KDM1B: variants seen among roughly 807,000 people sequenced by gnomAD.
KDM1B encodes the protein lysine-specific histone demethylase 2.
A neutral mutation model predicts 107.4 loss-of-function variants in KDM1B; 63 were observed. The observed-to-expected ratio is 0.59, with a 90% CI of 0.48 to 0.72. The LOEUF (loss-of-function observed/expected upper bound fraction) is 0.72. KDM1B is among the 30% of genes least tolerant of loss of function. KDM1B has a pLI of 0.00. For synonymous variants in KDM1B, 363 were observed against 363.9 expected, an observed-to-expected ratio of 1.00 and a Z score of 0.03; for missense variants, 749 against 1,020.8, an observed-to-expected ratio of 0.73 and a Z score of 3.63.
rs1789362884 is a variant in KDM1B at position 18,217,780 on chromosome 6, C to A, written c.2280C>A (p.Asp760Glu). The A allele has an allele frequency of 1.2e-6, 2 of 1,613,808 alleles. No homozygotes were observed. Among genetic ancestry groups the A allele is most frequent in the East Asian group, 4.5e-5 (2 of 44,854 alleles). ...ATTTTGTCACTCGGTGGAGCACAGA[C>A]CCATGGATCCAGATGGCATACAGTT... ...TKYFVTRWST[D>E]PWIQMAYSFV... Residue 760 changes from aspartate (D) to glutamate (E), a missense_variant, in exon 21 of 22, where the codon GAC becomes GAA. Asp to Glu is a conservative substitution (Grantham distance 45). Transcript: ENST00000650836.
chr6:18,159,894 T>TAATGGC lies in KDM1B; in HGVS notation c.2_7dup. On this transcript the variant is annotated 5_prime_UTR_variant, in exon 3 of 22. The change creates a new upstream start codon in the 5' untranslated region. Transcript: ENST00000650836. This position sits in a 1 kb window ranked among gnomAD's most constrained non-coding sequence, Gnocchi z 4.5. ...TTTTTCTTTTGCAGATTATTTAATGTAATGGCAACTCCACGGGGGAGGACA... is the reference window on the plus strand; with the variant it reads ...TTTTTCTTTTGCAGATTATTTAATGTAATGGCAATGGCAACTCCACGGGGGAGGACA... 6.3e-7 allele frequency: 1 copy of TAATGGC among 1,591,852 alleles called. No individual in the cohort carries two copies. The highest frequency in any genetic ancestry group is 1.3e-5 in the African/African-American group (1 of 74,364).
rs140368184 is a variant in KDM1B at position 18,195,420 on chromosome 6, C to G, written c.970-1637C>G. On this transcript the variant is annotated intron_variant, in intron 10 of 21. Transcript: ENST00000650836. ...ATTGTATTTATTTATCGTGTACAAT[C>G]TGATGTTTTGAAATACATATATGTA... Among the ~76,000 whole-genome samples, 78 of 152,234 alleles carry G rather than the reference C, an allele frequency of 5.1e-4. No individual in the cohort carries two copies. The East Asian group carries it at 0.014, about 27-fold the overall frequency.
rs1468480187 is a variant in KDM1B, at chr6:18,211,475, C to T, written c.1867-1013C>T. 2 of 152,250 alleles carry T rather than the reference C, an allele frequency of 1.3e-5. No individual in the cohort carries two copies. The highest frequency in any genetic ancestry group is 2.1e-4 in the South Asian group (1 of 4,828). 9.4% of individuals were successfully genotyped at this position (152,250 alleles called of 1,614,324 possible). A position where few individuals can be genotyped will look rare whatever the true frequency, so the allele number is the denominator to read the frequency against. ...TTGACTTTCGCTTCCCTTCTGCTGC[C>T]TCTGTTGAGAGCACACAATGCTGGA... is the stretch of plus-strand genomic sequence containing the variant. On this transcript the variant is annotated intron_variant, in intron 17 of 21. Coordinates refer to ENST00000650836, the MANE Select transcript of KDM1B (RefSeq NM_001364614.2). The surrounding 1 kb of genome is among the most constrained non-coding windows in gnomAD (Gnocchi z 5.2).
At chr6:18,167,263 A>G (rs947990941) in intron 6 of KDM1B, among the ~76,000 whole-genome samples, 3 of 151,668 alleles carry the variant, frequency 2.0e-5, no homozygotes, top group African/African-American at 7.3e-5. Context: ...AGGCTGAGGC[A>G]GGAGAATCGC....
intron 2 of KDM1B, among the ~76,000 whole-genome samples, chr6:18,156,253 G>T (rs1000928557): frequency 6.6e-6 from 1 of 152,196 alleles, no homozygotes; most frequent in Admixed American, 6.5e-5. Context: ...CCCGATTAGG[G>T]TAGCTGTTAG....
chr6:18,170,843 C>T lies in KDM1B; in HGVS notation c.418-520C>T, dbSNP rs111919753. On this transcript the variant is annotated intron_variant, in intron 6 of 21. Coordinates refer to ENST00000650836, the MANE Select transcript of KDM1B (RefSeq NM_001364614.2). ...CTTTTTTTTTTCCTTTTTTTTGAGA[C>T]GGAGTCTTGCTCCGTTGCCCAGGCT... Among the ~76,000 whole-genome samples, 9 of 149,886 alleles carry T rather than the reference C, an allele frequency of 6.0e-5. 1 individual carries two copies. The South Asian group carries it at 1.1e-3, about 18-fold the overall frequency.
chr6:18,192,960 A>G (rs1787379158), intron 10 of KDM1B, among the ~76,000 whole-genome samples: 2 of 152,058 alleles, frequency 1.3e-5, no homozygotes, highest in African/African-American at 2.4e-5. Context: ...TAGGAGGCCC[A>G]GTTGGGTGGA....
intron 8 of KDM1B, 132 bp from the exon 9 acceptor site, chr6:18,187,660 T>G: frequency 3.8e-6 from 2 of 529,978 alleles, no homozygotes; most frequent in Admixed American, 5.5e-5. Flanking sequence ...ATAGAATTGT[T>G]AAGTCTGAGC....
In KDM1B at chr6:18,160,623, A is replaced by T. The variant is rs1252877162; in HGVS notation, c.87+641A>T. ...TGTGGTGGCGGGCGCCTGTAGTCTC[A>T]GCTACTCGGGAGGCTGAGGCAGGAG... On this transcript the variant is annotated intron_variant, in intron 3 of 21. Coordinates refer to ENST00000650836, the MANE Select transcript of KDM1B (RefSeq NM_001364614.2). Among the ~76,000 whole-genome samples, 3 of 151,884 alleles carry T rather than the reference A, an allele frequency of 2.0e-5. No homozygotes were observed. The East Asian group carries it at 5.8e-4, about 29-fold the overall frequency.
At position 18,197,267 on chromosome 6, in the gene KDM1B, A is replaced by G. The variant is rs367968296; in HGVS notation, c.1146+34A>G. On this transcript the variant is annotated intron_variant, in intron 11 of 21. Coordinates refer to ENST00000650836, the MANE Select transcript of KDM1B (RefSeq NM_001364614.2). The surrounding 1 kb of genome is among the most constrained non-coding windows in gnomAD (Gnocchi z 4.5). ...TTATAGCTTTAGCGATAGCCTTGCC[A>G]TTGATCAGGACAAACGCTAGTCTGT... 34 of 1,582,684 alleles carry G rather than the reference A, an allele frequency of 2.1e-5. No homozygotes were observed. Among genetic ancestry groups the G allele is most frequent in the Non-Finnish European group, 2.3e-5 (27 of 1,155,090 alleles).
At chr6:18,166,454 T>G in intron 6 of KDM1B, 76 bp downstream of exon 6, 1 of 819,464 alleles carries the variant, frequency 1.2e-6, no homozygotes, top group Non-Finnish European at 2.1e-6. Context: ...AAATGCTGTT[T>G]AGGAAATCTC....
Position 18,213,408 on chromosome 6 carries a change from G to A in KDM1B, c.1984-248G>A, listed in dbSNP as rs535244604. Among the ~76,000 whole-genome samples, 1 of 150,234 alleles carries A rather than the reference G, an allele frequency of 6.7e-6. No homozygotes were observed. The highest frequency in any genetic ancestry group is 2.1e-4 in the South Asian group (1 of 4,772). On this transcript the variant is annotated intron_variant, in intron 18 of 21. Transcript: ENST00000650836. This position sits in a 1 kb window ranked among gnomAD's most constrained non-coding sequence, Gnocchi z 5.9. Reference sequence around the variant, plus strand: ...CCAAGATCGCTCCATTGCACTCCCAGCTGGGCAACAAGAGCGAAACTCCGT... The same window carrying A: ...CCAAGATCGCTCCATTGCACTCCCAACTGGGCAACAAGAGCGAAACTCCGT...
chr6:18,159,776 G>T lies in KDM1B; in HGVS notation c.-13-107G>T, dbSNP rs755812031. 12 of 645,632 alleles carry T rather than the reference G, an allele frequency of 1.9e-5. No individual in the cohort carries two copies. The highest frequency in any genetic ancestry group is 2.7e-5 in the Non-Finnish European group (10 of 370,776). The allele number at this position is 645,632 out of a possible 1,614,324, so 40.0% of individuals were successfully genotyped here. On this transcript the variant is annotated intron_variant, in intron 2 of 21. Transcript: ENST00000650836. This position sits in a 1 kb window ranked among gnomAD's most constrained non-coding sequence, Gnocchi z 4.5. ...AAGAAAACTGTAGCTTTGTATTTAG[G>T]CAATCTGACATACATTCTTACCTAC...
At position 18,203,073 on chromosome 6, in the gene KDM1B, AG is replaced by A. The variant is rs1788149706; in HGVS notation, c.1531+1417del. Among the ~76,000 whole-genome samples the A allele has an allele frequency of 2.0e-5, 3 of 152,148 alleles. No homozygotes were observed. Among genetic ancestry groups the A allele is most frequent in the Admixed American group, 2.0e-4 (3 of 15,262 alleles). On this transcript the variant is annotated intron_variant, in intron 14 of 21. Coordinates refer to ENST00000650836, the MANE Select transcript of KDM1B (RefSeq NM_001364614.2). The surrounding 1 kb of genome is among the most constrained non-coding windows in gnomAD (Gnocchi z 5.5). ...GGAGTTTTCATTACATGTCTTTCAG[AG>A]TCACCATATAAAAATGTTTAATGAT...
rs1788022704 is a variant in KDM1B at position 18,201,408 on chromosome 6, G to C, written c.1360-78G>C. The C allele has an allele frequency of 1.9e-6, 2 of 1,051,518 alleles. No homozygotes were observed. The highest frequency in any genetic ancestry group is 1.6e-5 in the African/African-American group (1 of 62,108). 65.1% of individuals were successfully genotyped at this position (1,051,518 alleles called of 1,614,324 possible). On this transcript the variant is annotated intron_variant, in intron 13 of 21. Coordinates refer to ENST00000650836, the MANE Select transcript of KDM1B (RefSeq NM_001364614.2). The surrounding 1 kb of genome is among the most constrained non-coding windows in gnomAD (Gnocchi z 4.3). ...AGACCATTTTCTCCATGAGAGCTCT[G>C]TCTGATTTTCAGCTTAGAACCTGTA...
Position 18,191,211 on chromosome 6 carries a change from C to T in KDM1B, c.799C>T (p.Arg267Ter), listed in dbSNP as rs1430835643. Residue 267 changes from arginine to a stop codon, truncating the protein, a stop_gained, in exon 10 of 22, where the codon CGA (arginine) becomes TGA (stop). Coordinates refer to ENST00000650836, the MANE Select transcript of KDM1B (RefSeq NM_001364614.2). LOFTEE classifies it high-confidence loss of function. The surrounding 1 kb of genome is among the most constrained non-coding windows in gnomAD (Gnocchi z 5.1). The part of the protein sequence containing the change: ...ALSVHVPGMN[R>*]YFQPFYQPNE... ...TTACCTATCAGTTCCAGGCATGAAC[C>T]GATACTTCCAGCCTTTCTACCAGCC... is the stretch of plus-strand genomic sequence containing the variant. 7 of 1,550,320 alleles carry T rather than the reference C, an allele frequency of 4.5e-6. No individual in the cohort carries two copies. Among genetic ancestry groups the T allele is most frequent in the African/African-American group, 1.4e-5 (1 of 73,118 alleles).
chr6:18,216,755 G>T (rs967928150), intron 20 of KDM1B, among the ~76,000 whole-genome samples: 28 of 152,176 alleles, frequency 1.8e-4, no homozygotes, highest in Admixed American at 1.8e-3. Flanking sequence ...TCAGAGCCAT[G>T]TTCACATACC....
At chr6:18,180,371 A>G (rs568900281) in intron 7 of KDM1B, among the ~76,000 whole-genome samples, 1 of 152,256 alleles carries the variant, frequency 6.6e-6, no homozygotes, top group South Asian at 2.1e-4. Flanking sequence ...GTGGCATTTC[A>G]TTATAATATT....
intron 21 of KDM1B, among the ~76,000 whole-genome samples, chr6:18,221,406 ATT>A (rs1201640126): frequency 6.6e-6 from 1 of 152,010 alleles, no homozygotes; most frequent in Non-Finnish European, 1.5e-5. Flanking sequence ...TTCTCCTATT[ATT>A]GAGTCGTTTT....
Sources: gnomAD v4.1 joint callset for allele counts (sites outside exome capture counted in the v4.1 genomes callset) on GRCh38, gnomAD v4.1.1 for gene constraint, Gnocchi (gnomAD v3.1) non-coding constraint, MANE v1.5 for transcripts, NCBI Gene and HGNC (gene_info 2026-07-23, HGNC 2026-07-21) for gene names.